Variants in CRK observed in about 807,000 individuals in gnomAD.
The protein encoded by CRK is adapter molecule crk.
CRK carries 4 observed loss-of-function variants against 29.8 expected under a neutral mutation model. That is an observed-to-expected ratio of 0.13 (90% CI 0.07 to 0.31). The LOEUF is 0.31. CRK is among the 10% of genes least tolerant of loss of function. The pLI, the probability that CRK is intolerant of heterozygous loss-of-function variation, is 1.00. For synonymous variants in CRK, 153 were observed against 164.9 expected, an observed-to-expected ratio of 0.93 and a Z score of 0.55; for missense variants, 274 against 396.5, an observed-to-expected ratio of 0.69 and a Z score of 2.62.
At position 1,423,228 on chromosome 17, in the gene CRK, G is replaced by C. The variant is rs1334948566; in HGVS notation, c.*285C>G. ...TTCCACAGGGTGATTTGCACTGCCT[G>C]AGAGAAAGGAGGCAAGATACCTATC... is the stretch of plus-strand genomic sequence containing the variant. On this transcript the variant is annotated 3_prime_UTR_variant, in exon 3 of 3. Coordinates refer to ENST00000300574, the MANE Select transcript of CRK (RefSeq NM_016823.4). 3 of 506,430 alleles carry C rather than the reference G, an allele frequency of 5.9e-6. No individual in the cohort carries two copies. Among genetic ancestry groups the C allele is most frequent in the African/African-American group, 5.9e-5 (3 of 50,830 alleles). 31.4% of individuals were successfully genotyped at this position (506,430 alleles called of 1,614,324 possible).
intron 2 of CRK, among the ~76,000 whole-genome samples, chr17:1,426,080 C>T (rs187578830): frequency 1.3e-5 from 2 of 152,104 alleles, no homozygotes; most frequent in Admixed American, 6.6e-5. Flanking sequence ...TGCTGGTGTG[C>T]GCCTGTGGTC....
At chr17:1,427,924 C>T (rs148125509) in intron 2 of CRK, among the ~76,000 whole-genome samples, 2 of 151,862 alleles carry the variant, frequency 1.3e-5, no homozygotes, top group African/African-American at 2.4e-5. Context: ...TCAGCCACCG[C>T]GCCCAGCCTA....
At chr17:1,432,309 C>T (rs538138406) in intron 2 of CRK, among the ~76,000 whole-genome samples, 3 of 149,692 alleles carry the variant, frequency 2.0e-5, no homozygotes, top group African/African-American at 7.4e-5. Context: ...GCCAATGTGG[C>T]GAAATCCCAT....
intron 1 of CRK, among the ~76,000 whole-genome samples, chr17:1,442,606 CTTTTTTTTTT>C (rs33970272): frequency 8.3e-6 from 1 of 121,126 alleles, no homozygotes; most frequent in Non-Finnish European, 1.7e-5. Flanking sequence ...GTGAAAGGGT[CTTTTTTTTTT>C]TTTTTTTTGA....
At chr17:1,440,157 G>T (rs369636524) in intron 1 of CRK, among the ~76,000 whole-genome samples, 4 of 152,190 alleles carry the variant, frequency 2.6e-5, no homozygotes, top group African/African-American at 9.6e-5. Context: ...AAATTAGCTG[G>T]GCGTGGTGGT....
chr17:1,447,103 A>G (rs578043122), intron 1 of CRK, among the ~76,000 whole-genome samples: 244 of 152,310 alleles, frequency 1.6e-3, no homozygotes, highest in Non-Finnish European at 2.9e-3. Flanking sequence ...CAGAACACAC[A>G]TAAGTCCCAG....
intron 1 of CRK, among the ~76,000 whole-genome samples, chr17:1,450,119 T>C (rs1185904183): frequency 6.6e-6 from 1 of 152,120 alleles, no homozygotes; most frequent in Non-Finnish European, 1.5e-5. Flanking sequence ...GGCAGGAGAA[T>C]GGCTTGACCC....
At chr17:1,455,506 C>A (rs1167631617) in intron 1 of CRK, among the ~76,000 whole-genome samples, 2 of 152,234 alleles carry the variant, frequency 1.3e-5, no homozygotes, top group African/African-American at 2.4e-5. Flanking sequence ...CGGATTCATT[C>A]TGGGCGCCGC....
chr17:1,447,161 C>G (rs199789951), intron 1 of CRK, among the ~76,000 whole-genome samples: 1 of 139,102 alleles, frequency 7.2e-6, no homozygotes, highest in South Asian at 2.3e-4. Flanking sequence ...CCTTTTCTCT[C>G]TTTCCTCTCC....
Position 1,436,615 on chromosome 17 carries a change from T to C in CRK, c.777+5A>G. 1.9e-6 allele frequency: 3 copies of C among 1,594,914 alleles called. No individual in the cohort carries two copies. The highest frequency in any genetic ancestry group is 2.6e-6 in the Non-Finnish European group (3 of 1,172,762). On this transcript the variant is annotated splice_donor_5th_base_variant and intron_variant, in intron 2 of 2. Coordinates refer to ENST00000300574, the MANE Select transcript of CRK (RefSeq NM_016823.4). ...TCTTCTTTCTACATTGTGCACGTTA[T>C]GTACCTCCAAAGCCAAGGCTGTCTT... is the stretch of plus-strand genomic sequence containing the variant.
Position 1,455,977 on chromosome 17 carries a change from A to G in CRK, c.141T>C (p.Tyr47=), listed in dbSNP as rs1161366223. ...VRDSSTSPGD[Y]VLSVSENSRV... ...GCGAGTTCTCTGAGACGCTGAGCAC[A>G]TAGTCCCCGGGGCTGGTGCTCGAGT... The change falls in exon 1 of 3, where the codon TAT becomes TAC. Residue 47 remains tyrosine (Y), a synonymous_variant. Transcript: ENST00000300574. 9 of 1,601,974 alleles carry G rather than the reference A, an allele frequency of 5.6e-6. No homozygotes were observed. Among genetic ancestry groups the G allele is most frequent in the South Asian group, 1.1e-5 (1 of 89,650 alleles).
chr17:1,447,598 T>C (rs531340038), intron 1 of CRK, among the ~76,000 whole-genome samples: 106 of 143,782 alleles, frequency 7.4e-4, no homozygotes, highest in African/African-American at 2.6e-3. Context: ...CACAGCACTT[T>C]CTCTTTTCCT....
chr17:1,423,502 T>C lies in CRK; in HGVS notation c.*11A>G, dbSNP rs1215557190. The stretch of plus-strand genomic sequence containing the variant: ...TTGTTCCCATCTGTCAGCAAAACTG[T>C]TGAACTATACTCAGCTGAAGTCCTC... On this transcript the variant is annotated 3_prime_UTR_variant, in exon 3 of 3. Coordinates refer to ENST00000300574, the MANE Select transcript of CRK (RefSeq NM_016823.4). The C allele has an allele frequency of 1.2e-6, 2 of 1,600,384 alleles. No individual in the cohort carries two copies. Among genetic ancestry groups the C allele is most frequent in the Non-Finnish European group, 1.7e-6 (2 of 1,174,800 alleles).
intron 1 of CRK, among the ~76,000 whole-genome samples, chr17:1,452,881 G>T (rs960432586): frequency 2.0e-5 from 3 of 151,672 alleles, no homozygotes; most frequent in African/African-American, 7.3e-5. Context: ...GAAGCATGAA[G>T]TCTATTGAGA....
In CRK at chr17:1,436,611, G is replaced by A. The variant is rs369733136; in HGVS notation, c.777+9C>T. On this transcript the variant is annotated intron_variant, in intron 2 of 2. Coordinates refer to ENST00000300574, the MANE Select transcript of CRK (RefSeq NM_016823.4). Reference sequence around the variant, plus strand: ...GATCTCTTCTTTCTACATTGTGCACGTTATGTACCTCCAAAGCCAAGGCTG... The same window carrying A: ...GATCTCTTCTTTCTACATTGTGCACATTATGTACCTCCAAAGCCAAGGCTG... 5.0e-5 allele frequency: 79 copies of A among 1,591,776 alleles called. No individual in the cohort carries two copies. Among genetic ancestry groups the A allele is most frequent in the Non-Finnish European group, 6.4e-5 (75 of 1,171,472 alleles).
rs1054513774 is a variant in CRK, at chr17:1,440,866, T to C, written c.242-3711A>G. ...CTACCGTGAGTCGTGATCATGCCAC[T>C]GCATTCCAGCCTGGGCAAAAGAGAG... On this transcript the variant is annotated intron_variant, in intron 1 of 2. Coordinates refer to ENST00000300574, the MANE Select transcript of CRK (RefSeq NM_016823.4). Among the ~76,000 whole-genome samples the C allele has an allele frequency of 4.2e-4, 64 of 152,332 alleles. 1 individual carries two copies. Among genetic ancestry groups the C allele is most frequent in the African/African-American group, 1.3e-3 (53 of 41,582 alleles).
At chr17:1,437,676 C>T (rs147324845) in intron 1 of CRK, among the ~76,000 whole-genome samples, 2 of 150,494 alleles carry the variant, frequency 1.3e-5, no homozygotes, top group African/African-American at 4.9e-5. Context: ...TTTTTTGAGA[C>T]CAAATCTCAC....
intron 1 of CRK, among the ~76,000 whole-genome samples, chr17:1,438,722 A>G (rs1234151154): frequency 1.3e-5 from 2 of 152,176 alleles, no homozygotes; most frequent in Non-Finnish European, 2.9e-5. Flanking sequence ...ACGAGTGTGT[A>G]TGGTGGCCCT....
At chr17:1,455,100 T>C (rs2074045934) in intron 1 of CRK, among the ~76,000 whole-genome samples, 1 of 152,170 alleles carries the variant, frequency 6.6e-6, no homozygotes, top group Admixed American at 6.6e-5. Flanking sequence ...TCACTTCTGG[T>C]TTATTTTGTG....
Sources: allele counts gnomAD v4.1 joint callset (sites outside exome capture counted in the v4.1 genomes callset), GRCh38; gene constraint gnomAD v4.1.1; transcripts MANE v1.5; gene names NCBI Gene and HGNC (gene_info 2026-07-23, HGNC 2026-07-21).